Variants in CFAP46 observed in about 807,000 individuals in gnomAD.
The protein encoded by CFAP46 is cilia- and flagella-associated protein 46.
CFAP46 carries 245 observed loss-of-function variants against 325.7 expected under a neutral mutation model. The ratio of observed to expected loss-of-function variants is 0.75; its 90% confidence interval spans 0.68 to 0.84. The LOEUF (loss-of-function observed/expected upper bound fraction) is 0.84. Among genes scored for constraint, CFAP46 ranks in the 40% least tolerant of loss-of-function variants. CFAP46 has a pLI of 0.00. For missense variants in CFAP46, 3,346 were observed against 3,543.0 expected (o/e 0.94, Z 1.41); for synonymous variants, 1,523 against 1,495.9 (o/e 1.02, Z -0.42).
intron 39 of CFAP46, among the ~76,000 whole-genome samples, chr10:132,853,166 T>A (rs1848587393): frequency 6.6e-6 from 1 of 152,224 alleles, no homozygotes; most frequent in African/African-American, 2.4e-5. Context: ...CTCCCACAAT[T>A]GTGACGTTAG....
chr10:132,922,795 T>C, intron 11 of CFAP46, 87 bp from the exon 12 acceptor site: 18 of 1,094,162 alleles, frequency 1.6e-5, no homozygotes, highest in Non-Finnish European at 2.4e-5. Context: ...AGGCCTGCAG[T>C]GGCCCCAGAG....
At chr10:132,933,362 T>C (rs1212216640) in intron 8 of CFAP46, among the ~76,000 whole-genome samples, 1 of 152,202 alleles carries the variant, frequency 6.6e-6, no homozygotes, top group Non-Finnish European at 1.5e-5. Flanking sequence ...ATGCCGCCTG[T>C]GGACAGACCT....
intron 29 of CFAP46, among the ~76,000 whole-genome samples, chr10:132,878,886 C>T (rs562071001): frequency 1.3e-5 from 2 of 152,270 alleles, no homozygotes; most frequent in East Asian, 1.9e-4. Flanking sequence ...CCTAGACAGA[C>T]GCACGGGGAG....
rs1439179294 is a variant in CFAP46 at position 132,884,390 on chromosome 10, T to C, written c.3627+713A>G. ...AAGGGCCCCCTGGACCCCAGAACAA[T>C]CCAAAGGCCTCGGGGCAGGATTGCT... is the stretch of plus-strand genomic sequence containing the variant. On this transcript the variant is annotated intron_variant, in intron 27 of 57. Coordinates refer to ENST00000368586, the MANE Select transcript of CFAP46 (RefSeq NM_001200049.3). This position sits in a 1 kb window ranked among gnomAD's most constrained non-coding sequence, Gnocchi z 5.4. Among the ~76,000 whole-genome samples the C allele has an allele frequency of 6.6e-6, 1 of 152,022 alleles. No homozygotes were observed. Among genetic ancestry groups the C allele is most frequent in the Non-Finnish European group, 1.5e-5 (1 of 67,982 alleles).
chr10:132,846,855 G>A lies in CFAP46; in HGVS notation c.6267+77C>T, dbSNP rs2135104475. 4.7e-6 allele frequency: 7 copies of A among 1,487,736 alleles called. No individual in the cohort carries two copies. In the Admixed American group the frequency reaches 1.1e-4, roughly 24 times the overall value. The allele number at this position is 1,487,736 out of a possible 1,614,324, so 92.2% of individuals were successfully genotyped here. On this transcript the variant is annotated intron_variant, in intron 43 of 57. Coordinates refer to ENST00000368586, the MANE Select transcript of CFAP46 (RefSeq NM_001200049.3). ...TTCTCTAATGGAGTCCCCCCAAGGC[G>A]AGGGCCCCAGCTGAAGCCCAGGGTC...
At chr10:132,924,135 T>C (rs1849770379) in intron 11 of CFAP46, among the ~76,000 whole-genome samples, 1 of 152,074 alleles carries the variant, frequency 6.6e-6, no homozygotes, top group Non-Finnish European at 1.5e-5. Flanking sequence ...CTGCAACAGC[T>C]TGTGGCTGCC....
rs182985345 is a variant in CFAP46, at chr10:132,873,922, T to C, written c.4363-1098A>G. 9.8e-3 allele frequency among the ~76,000 whole-genome samples: 1,499 copies of C among 152,212 alleles called. 15 individuals carry two copies. Among genetic ancestry groups the C allele is most frequent in the South Asian group, 0.043 (208 of 4,824 alleles). On this transcript the variant is annotated intron_variant, in intron 31 of 57. Transcript: ENST00000368586. Reference sequence around the variant, plus strand: ...AAAAACATCCCAGAAAAACACAACCTATGAAAACTGTTACAAGAAGAAACA... The same window carrying C: ...AAAAACATCCCAGAAAAACACAACCCATGAAAACTGTTACAAGAAGAAACA...
In CFAP46 at chr10:132,877,240, G is replaced by A. The variant is rs372630982; in HGVS notation, c.4213-279C>T. ...AGGCTCTGCAGCCTCTGCCTCCTGC[G>A]TCTCCCCTCAGTGACAGCTGGCTGG... On this transcript the variant is annotated intron_variant, in intron 30 of 57. Coordinates refer to ENST00000368586, the MANE Select transcript of CFAP46 (RefSeq NM_001200049.3). This position sits in a 1 kb window ranked among gnomAD's most constrained non-coding sequence, Gnocchi z 5.7. Among the ~76,000 whole-genome samples, 42 of 152,304 alleles carry A rather than the reference G, an allele frequency of 2.8e-4. No homozygotes were observed. Among genetic ancestry groups the A allele is most frequent in the African/African-American group, 8.2e-4 (34 of 41,578 alleles).
intron 38 of CFAP46, among the ~76,000 whole-genome samples, chr10:132,858,447 G>A (rs989580927): frequency 6.7e-6 from 1 of 149,244 alleles, no homozygotes; most frequent in African/African-American, 2.5e-5. Flanking sequence ...TGCTGGGGGC[G>A]ACCCCAGGTT....
Position 132,917,130 on chromosome 10 carries a change from C to T in CFAP46, c.1987-448G>A, listed in dbSNP as rs542717896. Among the ~76,000 whole-genome samples, 76 of 152,368 alleles carry T rather than the reference C, an allele frequency of 5.0e-4. 1 individual carries two copies. Among genetic ancestry groups the T allele is most frequent in the African/African-American group, 1.8e-3 (73 of 41,594 alleles). ...GGCTCTGGTTCTGCCATGTGGCCTC[C>T]GGCTCCCTGAGCAGAGAGTTCTGTG... On this transcript the variant is annotated intron_variant, in intron 16 of 57. Transcript: ENST00000368586.
Position 132,912,712 on chromosome 10 carries a change from G to A in CFAP46, c.2442C>T (p.Asn814=), listed in dbSNP as rs569806783. The A allele has an allele frequency of 1.1e-4, 170 of 1,550,170 alleles. 1 individual carries two copies. In the East Asian group the frequency reaches 3.1e-3, roughly 28 times the overall value. ...AEKSRKFMRP[N]AFHSPLDAGA... is the part of the protein sequence containing the mutation. Reference sequence around the variant, plus strand: ...CTGCGTCCAGTGGGCTGTGAAACGCGTTTGGTCGCATGAATTTCCTGGACT... The same window carrying A: ...CTGCGTCCAGTGGGCTGTGAAACGCATTTGGTCGCATGAATTTCCTGGACT... Residue 814 remains asparagine (N), a synonymous_variant, in exon 19 of 58, where the codon AAC becomes AAT. Coordinates refer to ENST00000368586, the MANE Select transcript of CFAP46 (RefSeq NM_001200049.3).
chr10:132,809,065 C>T (rs1246384912), intron 57 of CFAP46, among the ~76,000 whole-genome samples, 161 bp from the exon 58 acceptor site: 1 of 152,144 alleles, frequency 6.6e-6, no homozygotes, highest in Non-Finnish European at 1.5e-5. Flanking sequence ...CCCCACCACC[C>T]GCACCCCTCC....
chr10:132,809,743 G>T (rs944183054), intron 57 of CFAP46, among the ~76,000 whole-genome samples: 1 of 152,176 alleles, frequency 6.6e-6, no homozygotes, highest in Admixed American at 6.5e-5. Context: ...GGAGGGTTTT[G>T]CTGACTCTGA....
intron 13 of CFAP46, among the ~76,000 whole-genome samples, chr10:132,921,518 G>A (rs1319747610): frequency 4.6e-5 from 7 of 152,328 alleles, no homozygotes; most frequent in Admixed American, 1.3e-4. Context: ...TTTGACCCCC[G>A]TGATCCAGGG....
chr10:132,907,560 A>G lies in CFAP46; in HGVS notation c.2924+908T>C, dbSNP rs148937707. On this transcript the variant is annotated intron_variant, in intron 22 of 57. Coordinates refer to ENST00000368586, the MANE Select transcript of CFAP46 (RefSeq NM_001200049.3). ...TTATTTTCAAATTTAATTAGCGTGC[A>G]TATCTGTCTATTCAAAATTACTTCA... Among the ~76,000 whole-genome samples, 630 of 152,342 alleles carry G rather than the reference A, an allele frequency of 4.1e-3. 5 individuals are homozygous for G. The highest frequency in any genetic ancestry group is 0.013 in the African/African-American group (533 of 41,580).
intron 44 of CFAP46, among the ~76,000 whole-genome samples, chr10:132,838,978 G>C (rs941004444): frequency 8.5e-5 from 13 of 152,224 alleles, no homozygotes; most frequent in African/African-American, 3.1e-4. Context: ...TAATGAACTT[G>C]AGCACCATTA....
At position 132,919,457 on chromosome 10, in the gene CFAP46, C is replaced by T; in HGVS notation, c.1731-15G>A. 1 of 1,543,050 alleles carries T rather than the reference C, an allele frequency of 6.5e-7. No individual in the cohort carries two copies. The highest frequency in any genetic ancestry group is 2.5e-5 in the East Asian group (1 of 40,762). On this transcript the variant is annotated splice_polypyrimidine_tract_variant and intron_variant, in intron 14 of 57. Coordinates refer to ENST00000368586, the MANE Select transcript of CFAP46 (RefSeq NM_001200049.3). The surrounding 1 kb of genome is among the most constrained non-coding windows in gnomAD (Gnocchi z 9.7). The stretch of plus-strand genomic sequence containing the variant: ...AAATCTGTATCCTGCTCACCGAGAA[C>T]CCAAACGAGTGAAAGGTGAGTAGAC...
chr10:132,905,875 G>A (rs1162317885), intron 22 of CFAP46, among the ~76,000 whole-genome samples: 2 of 152,238 alleles, frequency 1.3e-5, no homozygotes, highest in East Asian at 3.9e-4. Context: ...AGAGCTGCAG[G>A]GCTGGGGACG....
At chr10:132,861,427 C>T (rs929877092) in intron 35 of CFAP46, among the ~76,000 whole-genome samples, 1 of 152,260 alleles carries the variant, frequency 6.6e-6, no homozygotes, top group Non-Finnish European at 1.5e-5. Flanking sequence ...CAGGAAACTT[C>T]GTCCCCGGAG....
Sources: gnomAD v4.1 joint callset for allele counts (sites outside exome capture counted in the v4.1 genomes callset) on GRCh38, gnomAD v4.1.1 for gene constraint, Gnocchi (gnomAD v3.1) non-coding constraint, MANE v1.5 for transcripts, NCBI Gene and HGNC (gene_info 2026-07-23, HGNC 2026-07-21) for gene names.